The following CSNK1G3 variants were observed in gnomAD, a reference collection of about 807,000 sequenced individuals.
The protein encoded by CSNK1G3 is casein kinase I isoform gamma-3.
Under a neutral mutation model 64.3 loss-of-function variants are expected in CSNK1G3, and 23 were observed. The ratio of observed to expected loss-of-function variants is 0.36; its 90% CI spans 0.26 to 0.51. CSNK1G3 has a LOEUF of 0.51. Among genes scored for constraint, CSNK1G3 ranks in the 20% least tolerant of loss-of-function variants. The probability of loss-of-function intolerance (pLI) is 0.96; values close to 1 mark genes in which losing one functional copy is unlikely to be tolerated. For missense variants in CSNK1G3, 357 were observed against 510.5 expected (o/e 0.70, Z 2.90); for synonymous variants, 158 against 162.2 (o/e 0.97, Z 0.20).
chr5:123,512,982 C>T (rs1489089526), intron 1 of CSNK1G3, among the ~76,000 whole-genome samples: 1 of 151,982 alleles, frequency 6.6e-6, no homozygotes, highest in East Asian at 1.9e-4. Context: ...TGTGTCCAGA[C>T]AATTACCTTT....
At chr5:123,587,799 T>G (rs1015303937) in intron 6 of CSNK1G3, among the ~76,000 whole-genome samples, 1 of 152,208 alleles carries the variant, frequency 6.6e-6, no homozygotes, top group Non-Finnish European at 1.5e-5. Flanking sequence ...TGGCCTGTAC[T>G]TCCATGAATA....
rs66645709 is a variant in CSNK1G3, at chr5:123,542,849, A to AGTGTGTGTGTGTGT, written c.-247-2543_-247-2530dup. On this transcript the variant is annotated intron_variant, in intron 1 of 12. Transcript: ENST00000345990. ...AGCAGTTTGTGATATGCCTAGATTT[A>AGTGTGTGTGTGTGT]GTGTGTGTGTGTGTGTGTGTGTGTG... Among the ~76,000 whole-genome samples, 238 of 134,902 alleles carry AGTGTGTGTGTGTGT rather than the reference A, an allele frequency of 1.8e-3. 1 individual carries two copies. Among genetic ancestry groups the AGTGTGTGTGTGTGT allele is most frequent in the African/African-American group, 6.4e-3 (226 of 35,302 alleles). The allele number at this position is 134,902 out of a possible 152,430, so 88.5% of individuals were successfully genotyped here.
At chr5:123,527,946 C>G (rs970681472) in intron 1 of CSNK1G3, among the ~76,000 whole-genome samples, 1 of 152,110 alleles carries the variant, frequency 6.6e-6, no homozygotes. Flanking sequence ...TGAACCTCAG[C>G]TATAAAGTGC....
At chr5:123,565,875 T>C (rs114696816) in intron 4 of CSNK1G3, among the ~76,000 whole-genome samples, 2 of 152,110 alleles carry the variant, frequency 1.3e-5, no homozygotes, top group African/African-American at 4.8e-5. Flanking sequence ...CACAAACCCA[T>C]GAGGGATCTG....
At position 123,577,053 on chromosome 5, in the gene CSNK1G3, A is replaced by G. The variant is rs550827796; in HGVS notation, c.673+1090A>G. ...GAATGCATTATCATTATTTATTCTG[A>G]TAGCCAAAGGGTTCCAGATTTGGCC... On this transcript the variant is annotated intron_variant, in intron 6 of 12. Transcript: ENST00000345990. Among the ~76,000 whole-genome samples, 18 of 152,200 alleles carry G rather than the reference A, an allele frequency of 1.2e-4. No individual in the cohort carries two copies. In the South Asian group the frequency reaches 3.1e-3, roughly 26 times the overall value.
At chr5:123,581,205 GT>G (rs1281055866) in intron 6 of CSNK1G3, among the ~76,000 whole-genome samples, 1 of 151,216 alleles carries the variant, frequency 6.6e-6, no homozygotes, top group African/African-American at 2.4e-5. Flanking sequence ...TTTTCTTGAT[GT>G]TTCAGGGTAT....
At chr5:123,592,615 C>T (rs1389352786) in intron 10 of CSNK1G3, among the ~76,000 whole-genome samples, 1 of 151,516 alleles carries the variant, frequency 6.6e-6, no homozygotes, top group Non-Finnish European at 1.5e-5. Flanking sequence ...TATTGTTTAT[C>T]CCATCAAAGT....
intron 8 of CSNK1G3, among the ~76,000 whole-genome samples, chr5:123,589,490 T>C (rs2150962004): frequency 6.6e-6 from 1 of 152,158 alleles, no homozygotes; most frequent in East Asian, 1.9e-4. Flanking sequence ...AGTGGAATAG[T>C]GGGAGAGTCA....
At chr5:123,534,761 G>C (rs1296271636) in intron 1 of CSNK1G3, among the ~76,000 whole-genome samples, 5 of 152,106 alleles carry the variant, frequency 3.3e-5, no homozygotes, top group Non-Finnish European at 1.5e-5. Flanking sequence ...AATACAGCCT[G>C]AGTAGATCAC....
chr5:123,610,157 ATGATCT>A (rs1796067859), intron 12 of CSNK1G3, among the ~76,000 whole-genome samples: 1 of 152,136 alleles, frequency 6.6e-6, no homozygotes, highest in Admixed American at 6.6e-5. Flanking sequence ...AATTTTGTAG[ATGATCT>A]TGTTCTCTGA....
At chr5:123,534,150 C>T (rs1780421029) in intron 1 of CSNK1G3, among the ~76,000 whole-genome samples, 1 of 151,922 alleles carries the variant, frequency 6.6e-6, no homozygotes, top group African/African-American at 2.4e-5. Context: ...TACTAGAGCC[C>T]TTGTCATCAA....
chr5:123,571,584 G>A (rs558345517), intron 4 of CSNK1G3, among the ~76,000 whole-genome samples: 7 of 152,254 alleles, frequency 4.6e-5, no homozygotes, highest in African/African-American at 1.4e-4. Flanking sequence ...CCACACAGCT[G>A]ATGAATATTA....
intron 10 of CSNK1G3, among the ~76,000 whole-genome samples, chr5:123,600,680 A>G (rs1794323339): frequency 6.6e-6 from 1 of 152,052 alleles, no homozygotes. Context: ...ACTAATTTGT[A>G]TGAATTCATT....
chr5:123,545,848 C>T lies in CSNK1G3; in HGVS notation c.178+7C>T. On this transcript the variant is annotated splice_region_variant and intron_variant, in intron 2 of 12. Coordinates refer to ENST00000345990, the Ensembl canonical transcript of CSNK1G3. ...TTTGGAGAATTACGATTAGGTAAGA[C>T]TATTTTGTTTATTCCATTATGTTAG... The T allele has an allele frequency of 6.2e-7, 1 of 1,607,364 alleles. No homozygotes were observed. The highest frequency in any genetic ancestry group is 8.5e-7 in the Non-Finnish European group (1 of 1,174,288).
At chr5:123,599,740 A>G (rs1794109525) in intron 10 of CSNK1G3, among the ~76,000 whole-genome samples, 1 of 152,140 alleles carries the variant, frequency 6.6e-6, no homozygotes, top group African/African-American at 2.4e-5. Context: ...AAATCTGCAA[A>G]AGAGAGATTG....
chr5:123,571,085 G>A (rs1438402121), intron 4 of CSNK1G3, among the ~76,000 whole-genome samples: 1 of 152,110 alleles, frequency 6.6e-6, no homozygotes, highest in African/African-American at 2.4e-5. Context: ...GAGTGGCTGT[G>A]GTAGGAGTGT....
chr5:123,603,187 T>C (rs1346367737), intron 10 of CSNK1G3, among the ~76,000 whole-genome samples: 2 of 152,062 alleles, frequency 1.3e-5, no homozygotes, highest in African/African-American at 4.8e-5. Context: ...AGAGTTCTTA[T>C]GTAGGGTTGG....
chr5:123,597,865 A>G (rs1179620226), intron 10 of CSNK1G3, among the ~76,000 whole-genome samples: 2 of 152,156 alleles, frequency 1.3e-5, no homozygotes, highest in Non-Finnish European at 2.9e-5. Flanking sequence ...ATTTAATTTA[A>G]AAAGTATTTA....
chr5:123,593,922 T>C (rs1792919040), intron 10 of CSNK1G3, among the ~76,000 whole-genome samples: 1 of 152,110 alleles, frequency 6.6e-6, no homozygotes, highest in Non-Finnish European at 1.5e-5. Context: ...GGCAAGATTT[T>C]CATGACTTTG....
Sources: gnomAD v4.1 joint callset for allele counts (sites outside exome capture counted in the v4.1 genomes callset) on GRCh38, gnomAD v4.1.1 for gene constraint, MANE v1.5 for transcripts, NCBI Gene and HGNC (gene_info 2026-07-23, HGNC 2026-07-21) for gene names.